The following MAF variants were observed in gnomAD, a reference collection of about 807,000 sequenced individuals.
The protein encoded by MAF is MAF bZIP transcription factor, also known as transcription factor Maf.
In MAF, 10 loss-of-function variants were observed where a neutral mutation model predicts 22.0. The observed-to-expected ratio is 0.45, with a 90% CI of 0.28 to 0.77. The LOEUF is 0.77. Ranked by LOEUF, MAF falls within the 30% of genes least tolerant of loss-of-function variation. The pLI is 0.12. For missense variants in MAF, 544 were observed against 548.4 expected (o/e 0.99, Z 0.08); for synonymous variants, 337 against 255.8 (o/e 1.32, Z -3.03).
chr16:79,228,471 A>G, the MAF span, among the ~76,000 whole-genome samples: 1 of 151,974 alleles, frequency 6.6e-6, no homozygotes, highest in East Asian at 1.9e-4. Context: ...TGCACTGATA[A>G]TTCTCAAAGC....
chr16:79,244,755 G>C, the MAF span, among the ~76,000 whole-genome samples: 1 of 152,008 alleles, frequency 6.6e-6, no homozygotes, highest in African/African-American at 2.4e-5. Context: ...AGCCCGCATA[G>C]CCAAGACAAT....
At chr16:79,254,387 C>A in the MAF span, among the ~76,000 whole-genome samples, 4 of 152,128 alleles carry the variant, frequency 2.6e-5, no homozygotes, top group African/African-American at 9.7e-5. Context: ...ATTATTCCAT[C>A]CAAGGATCCT....
chr16:79,382,082 G>T, the MAF span, among the ~76,000 whole-genome samples: 1 of 152,086 alleles, frequency 6.6e-6, no homozygotes, highest in Non-Finnish European at 1.5e-5. Flanking sequence ...TCTTACAGGG[G>T]AGCTTTCAAC....
the MAF span, among the ~76,000 whole-genome samples, chr16:79,515,731 C>A: frequency 6.6e-6 from 1 of 152,136 alleles, no homozygotes; most frequent in Non-Finnish European, 1.5e-5. Flanking sequence ...GAACGTGAGA[C>A]CTGCCTTGAC....
the MAF span, among the ~76,000 whole-genome samples, chr16:79,415,562 G>T: frequency 1.3e-5 from 2 of 152,156 alleles, no homozygotes; most frequent in African/African-American, 4.8e-5. Flanking sequence ...ATGCTGCCTT[G>T]CTCAGTGTGG....
chr16:79,335,169 G>A, the MAF span, among the ~76,000 whole-genome samples: 2 of 144,574 alleles, frequency 1.4e-5, no homozygotes, highest in Non-Finnish European at 3.0e-5. Flanking sequence ...TGGCGACAGA[G>A]CGAGACTCCA....
chr16:79,390,211 G>T, the MAF span, among the ~76,000 whole-genome samples: 74 of 151,990 alleles, frequency 4.9e-4, no homozygotes, highest in African/African-American at 1.5e-3. Context: ...CTTGAAAGCC[G>T]GGTTTATTTT....
the MAF span, among the ~76,000 whole-genome samples, chr16:79,339,580 G>A: frequency 5.3e-5 from 8 of 152,154 alleles, no homozygotes; most frequent in South Asian, 1.7e-3. Flanking sequence ...AAATTTTGAG[G>A]TTTGTTTTTT....
the MAF span, among the ~76,000 whole-genome samples, chr16:79,255,220 G>A: frequency 6.6e-6 from 1 of 152,176 alleles, no homozygotes; most frequent in Non-Finnish European, 1.5e-5. Flanking sequence ...AAAAGCTTTG[G>A]TTAACTTCAG....
chr16:79,546,322 T>C, the MAF span, among the ~76,000 whole-genome samples: 1 of 152,100 alleles, frequency 6.6e-6, no homozygotes, highest in Non-Finnish European at 1.5e-5. Context: ...GAGTGGGATA[T>C]TATAGACTCC....
the MAF span, among the ~76,000 whole-genome samples, chr16:79,548,459 G>C: frequency 3.9e-5 from 6 of 152,214 alleles, no homozygotes; most frequent in Non-Finnish European, 8.8e-5. Flanking sequence ...CTTTATATGT[G>C]GGAGAAACAC....
chr16:79,207,764 A>C, the MAF span, among the ~76,000 whole-genome samples: 1 of 149,760 alleles, frequency 6.7e-6, no homozygotes, highest in African/African-American at 2.4e-5. Context: ...TAACCAATGC[A>C]TTACAAATAT....
At chr16:79,351,749 T>C in the MAF span, among the ~76,000 whole-genome samples, 1 of 151,868 alleles carries the variant, frequency 6.6e-6, no homozygotes, top group Non-Finnish European at 1.5e-5. Context: ...GGAAGTGACA[T>C]CCCAGGTTTC....
At chr16:79,265,791 A>C in the MAF span, among the ~76,000 whole-genome samples, 1 of 152,184 alleles carries the variant, frequency 6.6e-6, no homozygotes, top group Non-Finnish European at 1.5e-5. Flanking sequence ...TCTCTTTGGC[A>C]TATCTGATTG....
At chr16:79,304,117 C>T in the MAF span, among the ~76,000 whole-genome samples, 1 of 152,224 alleles carries the variant, frequency 6.6e-6, no homozygotes, top group Non-Finnish European at 1.5e-5. Flanking sequence ...CAAGGCTTGG[C>T]AGGCGAAGAC....
chr16:79,232,981 C>T, the MAF span, among the ~76,000 whole-genome samples: 23 of 151,662 alleles, frequency 1.5e-4, 1 homozygote, highest in East Asian at 5.8e-4. Context: ...GCTGGGACTA[C>T]GGGCGCCCGC....
the MAF span, among the ~76,000 whole-genome samples, chr16:79,262,246 C>T: frequency 1.5e-3 from 227 of 152,282 alleles, no homozygotes; most frequent in Middle Eastern, 0.014. Context: ...GAGGGCCAGA[C>T]AGCCAGTAGG....
At chr16:79,242,319 C>T in the MAF span, among the ~76,000 whole-genome samples, 3 of 148,844 alleles carry the variant, frequency 2.0e-5, no homozygotes, top group South Asian at 2.1e-4. Flanking sequence ...GACACACATA[C>T]GCTCAAAATA....
chr16:79,481,845 C>A, the MAF span, among the ~76,000 whole-genome samples: 1 of 152,198 alleles, frequency 6.6e-6, no homozygotes, highest in Non-Finnish European at 1.5e-5. Context: ...AAGCCTCCAT[C>A]TGGGTAGGGG....
Sources: gnomAD v4.1 joint callset for allele counts (sites outside exome capture counted in the v4.1 genomes callset) on GRCh38, gnomAD v4.1.1 for gene constraint, MANE v1.5 for transcripts, NCBI Gene and HGNC (gene_info 2026-07-23, HGNC 2026-07-21) for gene names.